ADAMTS17: variants seen among roughly 807,000 people sequenced by gnomAD.
ADAMTS17 encodes ADAM metallopeptidase with thrombospondin type 1 motif 17.
Under a neutral mutation model 141.5 loss-of-function variants are expected in ADAMTS17, and 113 were observed. The ratio of observed to expected loss-of-function variants is 0.80; its 90% CI spans 0.69 to 0.93. ADAMTS17 has a LOEUF of 0.93. Ranked by LOEUF, ADAMTS17 falls within the 40% of genes least tolerant of loss-of-function variation. ADAMTS17 has a pLI of 0.00. For synonymous variants in ADAMTS17, 768 were observed against 630.6 expected, an observed-to-expected ratio of 1.22 and a Z score of -3.27; for missense variants, 1,659 against 1,517.9, an observed-to-expected ratio of 1.09 and a Z score of -1.54.
At chr15:100,158,956 A>C (rs1325646987) in intron 8 of ADAMTS17, among the ~76,000 whole-genome samples, 2 of 152,238 alleles carry the variant, frequency 1.3e-5, no homozygotes, top group Non-Finnish European at 2.9e-5. Context: ...TTACTATGAA[A>C]ATACAAAACA....
At chr15:100,141,199 G>C (rs1443726830) in intron 10 of ADAMTS17, among the ~76,000 whole-genome samples, 1 of 152,222 alleles carries the variant, frequency 6.6e-6, no homozygotes, top group African/African-American at 2.4e-5. Flanking sequence ...TGCATGATGA[G>C]CCAGCAGCAA....
intron 3 of ADAMTS17, chr15:100,306,320 G>C (rs1371643041): frequency 5.5e-6 from 2 of 366,602 alleles, no homozygotes; most frequent in Non-Finnish European, 1.1e-5. Context: ...GGATTTCTGA[G>C]GCTGATCCTC....
rs111314217 is a variant in ADAMTS17 at position 99,991,918 on chromosome 15, A to G, written c.2949+1130T>C. On this transcript the variant is annotated intron_variant, in intron 20 of 21. Coordinates refer to ENST00000268070, the MANE Select transcript of ADAMTS17 (RefSeq NM_139057.4). The stretch of plus-strand genomic sequence containing the variant: ...ACCATCATTCTCAGCAAACTAACAC[A>G]GGAACAGAAAATCAAACACTGCATG... Among the ~76,000 whole-genome samples, 14 of 152,284 alleles carry G rather than the reference A, an allele frequency of 9.2e-5. 1 individual carries two copies. Among genetic ancestry groups the G allele is most frequent in the African/African-American group, 3.1e-4 (13 of 41,564 alleles).
At chr15:100,036,120 G>T (rs1207630215) in intron 18 of ADAMTS17, among the ~76,000 whole-genome samples, 1 of 152,246 alleles carries the variant, frequency 6.6e-6, no homozygotes, top group Non-Finnish European at 1.5e-5. Context: ...GGGAGAAGCA[G>T]TAGGGCTTCT....
chr15:99,977,882 C>A (rs1414362656), intron 20 of ADAMTS17, among the ~76,000 whole-genome samples: 1 of 152,154 alleles, frequency 6.6e-6, no homozygotes, highest in Admixed American at 6.5e-5. Flanking sequence ...CAGCCAGGTC[C>A]ATGAGTATAC....
chr15:100,114,255 G>A (rs1469820984), intron 13 of ADAMTS17, among the ~76,000 whole-genome samples: 10 of 150,676 alleles, frequency 6.6e-5, no homozygotes, highest in East Asian at 5.9e-4. Context: ...AAAGAATTCC[G>A]CAGCGATAGC....
At chr15:100,213,650 A>C (rs536338601) in intron 7 of ADAMTS17, among the ~76,000 whole-genome samples, 1 of 152,352 alleles carries the variant, frequency 6.6e-6, no homozygotes, top group East Asian at 1.9e-4. Flanking sequence ...GGGATCCAAG[A>C]CCTGAGACGC....
intron 18 of ADAMTS17, among the ~76,000 whole-genome samples, chr15:100,019,423 G>A (rs897241292): frequency 1.3e-5 from 2 of 152,178 alleles, no homozygotes; most frequent in Admixed American, 6.5e-5. Flanking sequence ...AAGTGGAGAC[G>A]TGTTTATTAG....
chr15:100,105,966 T>C (rs776601644), intron 14 of ADAMTS17, among the ~76,000 whole-genome samples: 6 of 152,050 alleles, frequency 3.9e-5, no homozygotes, highest in Admixed American at 2.6e-4. Context: ...TCTGGGATTA[T>C]AGGCGTGTGC....
At chr15:100,077,904 G>A (rs1296153686) in intron 15 of ADAMTS17, among the ~76,000 whole-genome samples, 1 of 152,178 alleles carries the variant, frequency 6.6e-6, no homozygotes, top group South Asian at 2.1e-4. Context: ...GATTCAGTAA[G>A]ATTGCAGGAT....
chr15:99,974,184 A>T lies in ADAMTS17; in HGVS notation c.*218T>A. 2 of 604,930 alleles carry T rather than the reference A, an allele frequency of 3.3e-6. No individual in the cohort carries two copies. Among genetic ancestry groups the T allele is most frequent in the East Asian group, 5.7e-5 (2 of 35,202 alleles). 37.5% of individuals were successfully genotyped at this position (604,930 alleles called of 1,614,324 possible). A position where few individuals can be genotyped will look rare whatever the true frequency, so the allele number is the denominator to read the frequency against. ...AGAAATTGAAGTTACTTTGTGACTC[A>T]TGCCTACTTTCTCCTCACTGTAGAA... is the stretch of plus-strand genomic sequence containing the variant. On this transcript the variant is annotated 3_prime_UTR_variant, in exon 22 of 22. Transcript: ENST00000268070.
At chr15:100,071,592 G>C (rs2033975404) in intron 15 of ADAMTS17, among the ~76,000 whole-genome samples, 2 of 150,406 alleles carry the variant, frequency 1.3e-5, no homozygotes, top group Admixed American at 6.7e-5. Context: ...TAGGATGCAA[G>C]GCTGGTTCAA....
chr15:100,295,765 A>C (rs930090971), intron 3 of ADAMTS17, among the ~76,000 whole-genome samples: 5 of 152,200 alleles, frequency 3.3e-5, no homozygotes, highest in Non-Finnish European at 5.9e-5. Context: ...AATACCTAGC[A>C]TGGTTCCAGC....
rs2037339163 is a variant in ADAMTS17 at position 100,119,439 on chromosome 15, A to T, written c.1722-2426T>A. ...GGTGGGTTCGTAGAAGAATAAAGAA[A>T]GCTACCTTTCCTACACACTTGAGTA... is the stretch of plus-strand genomic sequence containing the variant. On this transcript the variant is annotated intron_variant, in intron 12 of 21. Transcript: ENST00000268070. 1.3e-5 allele frequency among the ~76,000 whole-genome samples: 2 copies of T among 152,224 alleles called. 1 individual carries two copies. The highest frequency in any genetic ancestry group is 4.1e-4 in the South Asian group (2 of 4,822).
chr15:100,224,978 G>C (rs1309630094), intron 7 of ADAMTS17, among the ~76,000 whole-genome samples: 1 of 152,216 alleles, frequency 6.6e-6, no homozygotes, highest in Non-Finnish European at 1.5e-5. Context: ...ATGAGCCCCT[G>C]GATGTGTCAT....
intron 16 of ADAMTS17, 113 bp downstream of exon 16, chr15:100,053,784 G>A (rs2032327866): frequency 1.3e-6 from 2 of 1,515,884 alleles, no homozygotes; most frequent in Admixed American, 3.3e-5. Flanking sequence ...ACCCCTGGAA[G>A]CCAGATGCAT....
chr15:100,328,385 T>C (rs959586986), intron 3 of ADAMTS17, among the ~76,000 whole-genome samples: 1 of 152,204 alleles, frequency 6.6e-6, no homozygotes, highest in Non-Finnish European at 1.5e-5. Flanking sequence ...TTTCATGCAA[T>C]GCAAGAAGGA....
chr15:100,154,086 C>A, intron 9 of ADAMTS17, among the ~76,000 whole-genome samples: 1 of 152,138 alleles, frequency 6.6e-6, no homozygotes, highest in Non-Finnish European at 1.5e-5. Context: ...GAGGCTGAGG[C>A]AGGAGAATTG....
intron 7 of ADAMTS17, among the ~76,000 whole-genome samples, chr15:100,212,000 T>A (rs1174861075): frequency 1.3e-5 from 2 of 152,078 alleles, no homozygotes; most frequent in Non-Finnish European, 2.9e-5. Flanking sequence ...CAGGTCACCA[T>A]CCAGGCTGCA....
Sources: gnomAD v4.1 joint callset for allele counts (sites outside exome capture counted in the v4.1 genomes callset) on GRCh38, gnomAD v4.1.1 for gene constraint, MANE v1.5 for transcripts, NCBI Gene and HGNC (gene_info 2026-07-23, HGNC 2026-07-21) for gene names.